The following CLVS1 variants were observed in gnomAD, a reference collection of about 807,000 sequenced individuals.
CLVS1 encodes the protein clavesin-1.
A neutral mutation model predicts 33.1 loss-of-function variants in CLVS1; 10 were observed. The ratio of observed to expected loss-of-function variants is 0.30; its 90% CI spans 0.19 to 0.51. The LOEUF (loss-of-function observed/expected upper bound fraction) is 0.51. Ranked by LOEUF, CLVS1 falls within the 20% of genes least tolerant of loss-of-function variation. The pLI, the probability that CLVS1 is intolerant of heterozygous loss-of-function variation, is 0.97. For missense variants in CLVS1, 343 were observed against 433.4 expected, an observed-to-expected ratio of 0.79 and a Z score of 1.85; for synonymous variants, 163 against 166.1, an observed-to-expected ratio of 0.98 and a Z score of 0.14.
chr8:61,261,247 C>G (rs1809197450), intron 2 of CLVS1, among the ~76,000 whole-genome samples: 1 of 152,166 alleles, frequency 6.6e-6, no homozygotes, highest in African/African-American at 2.4e-5. Flanking sequence ...CTTGTAAATG[C>G]TGTCATTTGT....
chr8:61,040,055 C>A, the CLVS1 span, among the ~76,000 whole-genome samples: 1 of 152,112 alleles, frequency 6.6e-6, no homozygotes, highest in African/African-American at 2.4e-5. Flanking sequence ...CCATATGTAC[C>A]CAATGTTTAG....
chr8:61,468,202 G>T (rs1038658347), intron 5 of CLVS1, among the ~76,000 whole-genome samples: 1 of 152,116 alleles, frequency 6.6e-6, no homozygotes, highest in African/African-American at 2.4e-5. Context: ...AAAGCTCAAG[G>T]CCCCCAACTT....
chr8:61,038,752 C>G, the CLVS1 span, among the ~76,000 whole-genome samples: 2 of 152,116 alleles, frequency 1.3e-5, no homozygotes, highest in African/African-American at 4.8e-5. Context: ...TTCATCAAAG[C>G]CATTTCCTCG....
intron 2 of CLVS1, among the ~76,000 whole-genome samples, chr8:61,244,185 T>C (rs1170270457): frequency 3.0e-5 from 2 of 67,300 alleles, no homozygotes; most frequent in Non-Finnish European, 7.6e-5. Flanking sequence ...GGGCATTGCA[T>C]TTTTTTTTTA....
intron 1 of CLVS1, among the ~76,000 whole-genome samples, chr8:61,059,457 C>CAT (rs1375091309): frequency 9.8e-5 from 7 of 71,132 alleles, no homozygotes; most frequent in African/African-American, 3.0e-4. Context: ...TATACACACA[C>CAT]ATATACATAC....
chr8:61,124,903 T>C (rs573763645), intron 1 of CLVS1, among the ~76,000 whole-genome samples: 1 of 152,242 alleles, frequency 6.6e-6, no homozygotes, highest in East Asian at 1.9e-4. Context: ...AGGTCTACTT[T>C]GGGGTAAGAG....
At chr8:61,155,327 G>T (rs909804488) in intron 2 of CLVS1, among the ~76,000 whole-genome samples, 6 of 152,150 alleles carry the variant, frequency 3.9e-5, no homozygotes, top group Admixed American at 6.6e-5. Flanking sequence ...CAACCCGCAA[G>T]AAAATGCCCC....
At chr8:61,340,123 G>C (rs1223448507) in intron 2 of CLVS1, among the ~76,000 whole-genome samples, 3 of 151,934 alleles carry the variant, frequency 2.0e-5, no homozygotes, top group Non-Finnish European at 4.4e-5. Flanking sequence ...GAGAGAAAGG[G>C]AAAGAACCCT....
chr8:61,357,489 C>CTTTCTT (rs1812771236), intron 2 of CLVS1, among the ~76,000 whole-genome samples: 1 of 30,284 alleles, frequency 3.3e-5, no homozygotes, highest in East Asian at 9.6e-4. Context: ...TTTCCTTTTT[C>CTTTCTT]TTTTCTTTTT....
At chr8:61,074,411 AAG>A (rs1295883425) in intron 1 of CLVS1, among the ~76,000 whole-genome samples, 10 of 142,536 alleles carry the variant, frequency 7.0e-5, no homozygotes, top group African/African-American at 2.2e-4. Flanking sequence ...ATATATATAT[AAG>A]TATATGTGTA....
At chr8:61,227,294 C>CTTT (rs11452736) in intron 2 of CLVS1, among the ~76,000 whole-genome samples, 54 of 143,074 alleles carry the variant, frequency 3.8e-4, no homozygotes, top group African/African-American at 1.2e-3. Flanking sequence ...GCGAGAAATG[C>CTTT]TTTTTTTTTT....
At chr8:61,110,939 G>A (rs1025407769) in intron 1 of CLVS1, among the ~76,000 whole-genome samples, 9 of 152,096 alleles carry the variant, frequency 5.9e-5, no homozygotes, top group African/African-American at 2.2e-4. Flanking sequence ...TATACATCTG[G>A]TGATGGATAT....
chr8:60,991,270 GA>G, the CLVS1 span, among the ~76,000 whole-genome samples: 2 of 151,884 alleles, frequency 1.3e-5, no homozygotes, highest in African/African-American at 2.4e-5. Context: ...AGGTAAAGAG[GA>G]AAAAAAATCT....
intron 2 of CLVS1, among the ~76,000 whole-genome samples, chr8:61,142,126 T>C (rs751003105): frequency 4.6e-5 from 7 of 152,200 alleles, no homozygotes; most frequent in Non-Finnish European, 1.0e-4. Flanking sequence ...AAATCTCATG[T>C]CAAATTGTAA....
intron 2 of CLVS1, among the ~76,000 whole-genome samples, chr8:61,145,769 T>C (rs954506313): frequency 1.3e-5 from 2 of 152,204 alleles, no homozygotes; most frequent in Admixed American, 1.3e-4. Flanking sequence ...TCAGTGGATA[T>C]GGGCAGTTAT....
chr8:61,392,797 T>C lies in CLVS1; in HGVS notation c.630+16018T>C, dbSNP rs1203547746. Among the ~76,000 whole-genome samples the C allele has an allele frequency of 2.0e-5, 3 of 151,060 alleles. No individual in the cohort carries two copies. In the East Asian group the frequency reaches 5.8e-4, roughly 29 times the overall value. On this transcript the variant is annotated intron_variant, in intron 3 of 5. Transcript: ENST00000325897. ...ATTGCTTGAACCTGAGAGCCGAGAT[T>C]GCACCACTGCACTCCAGCCTGGGTG... is the stretch of plus-strand genomic sequence containing the variant.
chr8:61,218,655 C>G (rs1808142830), intron 2 of CLVS1, among the ~76,000 whole-genome samples: 2 of 146,252 alleles, frequency 1.4e-5, no homozygotes, highest in Non-Finnish European at 3.0e-5. Context: ...AACAACAAGG[C>G]CAGGCATGGT....
At chr8:61,180,047 G>A (rs569759206) in intron 2 of CLVS1, among the ~76,000 whole-genome samples, 15 of 151,990 alleles carry the variant, frequency 9.9e-5, no homozygotes, top group Middle Eastern at 3.4e-3. Flanking sequence ...CAATGAATCC[G>A]GGAGCTGGTT....
At chr8:61,275,420 T>A (rs939640525) in intron 2 of CLVS1, among the ~76,000 whole-genome samples, 1 of 152,152 alleles carries the variant, frequency 6.6e-6, no homozygotes, top group Non-Finnish European at 1.5e-5. Context: ...CACACACAGT[T>A]TACCTCCCAA....
Sources: gnomAD v4.1 joint callset for allele counts (sites outside exome capture counted in the v4.1 genomes callset) on GRCh38, gnomAD v4.1.1 for gene constraint, MANE v1.5 for transcripts, NCBI Gene and HGNC (gene_info 2026-07-23, HGNC 2026-07-21) for gene names.